HOOK2: variants seen among roughly 807,000 people sequenced by gnomAD.
HOOK2 encodes protein Hook homolog 2.
Under a neutral mutation model 111.9 loss-of-function variants are expected in HOOK2, and 108 were observed. The ratio of observed to expected loss-of-function variants is 0.96; its 90% confidence interval spans 0.83 to 1.13. The LOEUF is 1.13. Ranked by LOEUF, HOOK2 falls within the 50% of genes most tolerant of loss-of-function variation. HOOK2 has a pLI of 0.00. For missense variants in HOOK2, 978 were observed against 951.3 expected (o/e 1.03, Z -0.37); for synonymous variants, 405 against 394.3 (o/e 1.03, Z -0.32).
upstream of HOOK2, among the ~76,000 whole-genome samples, chr19:12,777,715 G>A (rs1481182128): frequency 6.6e-6 from 1 of 152,238 alleles, no homozygotes; most frequent in Non-Finnish European, 1.5e-5. Flanking sequence ...TTTGGCTGAA[G>A]CTGCCGCGTC....
rs16978669 is a variant in HOOK2 at position 12,790,654 on chromosome 19, T to A, written n.42-16429A>T. Among the ~76,000 whole-genome samples the A allele has an allele frequency of 5.3e-4, 81 of 151,992 alleles. No individual in the cohort carries two copies. The East Asian group carries it at 6.2e-3, about 12-fold the overall frequency. On this transcript the variant is annotated intron_variant and non_coding_transcript_variant, in intron 3 of 3. Transcript: ENST00000589765. This position sits in a 1 kb window ranked among gnomAD's most constrained non-coding sequence, Gnocchi z 7.2. ...GAAGATGTGTCCGGCCCCTTCTAAC[T>A]CTCTCCTTCATCCGGGCTAGCAGAT...
intron 1 of HOOK2, 128 bp from the exon 2 acceptor site, chr19:12,775,025 C>G (rs890960702): frequency 1.1e-5 from 12 of 1,117,038 alleles, no homozygotes; most frequent in Non-Finnish European, 1.5e-5. Context: ...CACAGCAGCT[C>G]TGCGAGGGAC....
In HOOK2 at chr19:12,767,908, A is replaced by G; in HGVS notation, c.1216-5T>C. ...GTCCCGCTCCGCCAACAGCCGCTGC[A>G]GGGACAGGGTACAAGACACTCCACG... On this transcript the variant is annotated splice_region_variant and splice_polypyrimidine_tract_variant and intron_variant, in intron 12 of 22. Transcript: ENST00000397668. 1 of 1,611,332 alleles carries G rather than the reference A, an allele frequency of 6.2e-7. No individual in the cohort carries two copies. Among genetic ancestry groups the G allele is most frequent in the East Asian group, 2.2e-5 (1 of 44,854 alleles).
At chr19:12,782,094 G>C (rs184516057), upstream of HOOK2, among the ~76,000 whole-genome samples, 1 of 152,148 alleles carries the variant, frequency 6.6e-6, no homozygotes, top group East Asian at 1.9e-4. Context: ...GGCCTCAAGC[G>C]ATCCTCTGGC....
chr19:12,776,224 C>CG (rs1239171278), upstream of HOOK2, among the ~76,000 whole-genome samples: 1 of 149,868 alleles, frequency 6.7e-6, no homozygotes, highest in African/African-American at 2.4e-5. Context: ...AGCCGTTGTG[C>CG]GGGGAGGGGC....
Position 12,771,490 on chromosome 19 carries a change from G to T in HOOK2, c.520-13C>A. 1.2e-6 allele frequency: 2 copies of T among 1,604,620 alleles called. No homozygotes were observed. The highest frequency in any genetic ancestry group is 8.5e-7 in the Non-Finnish European group (1 of 1,174,778). ...AGTACCTGCGGGACTGCAGAGATGA[G>T]GGGGAAGAGGAACTCAGGGATTCAG... On this transcript the variant is annotated splice_polypyrimidine_tract_variant and intron_variant, in intron 7 of 22. Coordinates refer to ENST00000397668, the MANE Select transcript of HOOK2 (RefSeq NM_013312.3).
intron 1 of HOOK2, 79 bp downstream of exon 1, chr19:12,775,326 G>C: frequency 6.4e-7 from 1 of 1,563,528 alleles, no homozygotes; most frequent in South Asian, 1.2e-5. Flanking sequence ...AGCACCAAGA[G>C]ACTGACCGAA....
rs1968636376 is a variant in HOOK2 at position 12,784,327 on chromosome 19, C to T, written n.42-10102G>A. Among the ~76,000 whole-genome samples, 2 of 151,970 alleles carry T rather than the reference C, an allele frequency of 1.3e-5. 1 individual carries two copies. Among genetic ancestry groups the T allele is most frequent in the South Asian group, 4.2e-4 (2 of 4,808 alleles). Reference sequence around the variant, plus strand: ...ACAGAGAGACTGCCAGCCAGGGACACACAGACAGGGTCAGACATACAGCTG... The same window carrying T: ...ACAGAGAGACTGCCAGCCAGGGACATACAGACAGGGTCAGACATACAGCTG... On this transcript the variant is annotated intron_variant and non_coding_transcript_variant, in intron 3 of 3. Transcript: ENST00000589765.
intron 3 of HOOK2, among the ~76,000 whole-genome samples, chr19:12,788,082 A>C (rs1184156849): frequency 6.6e-6 from 1 of 152,118 alleles, no homozygotes; most frequent in Admixed American, 6.6e-5. Flanking sequence ...ACAAACAAAC[A>C]AAACACCAAA....
intron 7 of HOOK2, among the ~76,000 whole-genome samples, 158 bp from the exon 8 acceptor site, chr19:12,771,635 C>T (rs1278947511): frequency 1.3e-5 from 2 of 152,144 alleles, no homozygotes; most frequent in Admixed American, 6.5e-5. Flanking sequence ...ATAATCCCAG[C>T]ACTTTGGGAG....
At chr19:12,765,750 G>A (rs750210412) in intron 17 of HOOK2, 26 bp from the exon 18 acceptor site, 2 of 1,614,090 alleles carry the variant, frequency 1.2e-6, no homozygotes, top group Middle Eastern at 1.6e-4. Context: ...GGCAAGGTGA[G>A]TGGGGGATCC....
In HOOK2 at chr19:12,772,639, G is replaced by A; in HGVS notation, c.430C>T (p.His144Tyr). 6.2e-7 allele frequency: 1 copy of A among 1,614,208 alleles called. No homozygotes were observed. The highest frequency in any genetic ancestry group is 8.5e-7 in the Non-Finnish European group (1 of 1,180,048). Residue 144 changes from histidine to tyrosine, a missense_variant, in exon 6 of 23, where the codon CAT (histidine) becomes TAT (tyrosine). Around this residue, in one of 5 missense-constraint regions of HOOK2, gnomAD observed 301 missense variants for 286.1 expected, o/e 1.05. Coordinates refer to ENST00000397668, the MANE Select transcript of HOOK2 (RefSeq NM_013312.3). Reference sequence around the variant, plus strand: ...TCTTGGATGGCTTCCATCACCACATGCTGAACCGATTCTTCCAGCGTCATG... The same window carrying A: ...TCTTGGATGGCTTCCATCACCACATACTGAACCGATTCTTCCAGCGTCATG... ...RIMTLEESVQ[H>Y]VVMEAIQELM...
chr19:12,781,396 A>G (rs1363539078), upstream of HOOK2, among the ~76,000 whole-genome samples: 3 of 148,596 alleles, frequency 2.0e-5, no homozygotes, highest in South Asian at 2.2e-4. Flanking sequence ...GCGCCATCTC[A>G]GCTCACTGCA....
At chr19:12,780,753 C>A (rs1156705914), upstream of HOOK2, among the ~76,000 whole-genome samples, 3 of 110,882 alleles carry the variant, frequency 2.7e-5, no homozygotes, top group Admixed American at 3.7e-4. Context: ...CCGAGGTGGG[C>A]GGATCAGGAG....
rs1196283762 is a variant in HOOK2, at chr19:12,771,051, A to C, written c.783T>G (p.Asp261Glu). ...ENFRLESGRE[D>E]ERLRCAELER... ...CCAGCTCGGCACAGCGCAGGCGCTC[A>C]TCCTCCCTGCCACTCTCCAGCCTGG... is the stretch of plus-strand genomic sequence containing the variant. Residue 261 changes from aspartate (D) to glutamate (E), a missense_variant, in exon 10 of 23, where the codon GAT becomes GAG. By Grantham distance (45) the Asp-to-Glu change is conservative. This residue lies in a region of HOOK2 where 388 missense variants were observed against 358.3 expected (regional missense o/e 1.08). Coordinates refer to ENST00000397668, the MANE Select transcript of HOOK2 (RefSeq NM_013312.3). 6.2e-7 allele frequency: 1 copy of C among 1,611,524 alleles called. No individual in the cohort carries two copies. Among genetic ancestry groups the C allele is most frequent in the Non-Finnish European group, 8.5e-7 (1 of 1,178,760 alleles).
Position 12,767,482 on chromosome 19 carries a change from A to G in HOOK2, c.1304-18T>C. 1.9e-6 allele frequency: 3 copies of G among 1,607,122 alleles called. No homozygotes were observed. The highest frequency in any genetic ancestry group is 1.7e-6 in the Non-Finnish European group (2 of 1,173,724). ...TGAGGGATCTGAAGAATGCGAGAAA[A>G]GTCTTCAGGTCTCTTCGCATCCCCT... On this transcript the variant is annotated intron_variant, in intron 13 of 22. Coordinates refer to ENST00000397668, the MANE Select transcript of HOOK2 (RefSeq NM_013312.3).
intron 1 of HOOK2, 102 bp from the exon 2 acceptor site, chr19:12,774,999 GC>G: frequency 8.1e-7 from 1 of 1,227,286 alleles, no homozygotes. Context: ...ACATGGTGGG[GC>G]GGGCGCTGCT....
At chr19:12,776,780 C>T (rs1968525569), upstream of HOOK2, among the ~76,000 whole-genome samples, 1 of 151,362 alleles carries the variant, frequency 6.6e-6, no homozygotes, top group African/African-American at 2.4e-5. Context: ...CCCAGGAGGT[C>T]GAGACTGCAG....
At chr19:12,767,783 C>G (rs1250243895) in intron 13 of HOOK2, 33 bp downstream of exon 13, 1 of 1,585,338 alleles carries the variant, frequency 6.3e-7, no homozygotes, top group South Asian at 1.1e-5. Context: ...TACACCAGGA[C>G]AGGTAAGACC....
Sources: allele counts gnomAD v4.1 joint callset (sites outside exome capture counted in the v4.1 genomes callset), GRCh38; gene constraint gnomAD v4.1.1; regional missense constraint gnomAD v4.1.1; non-coding constraint Gnocchi (gnomAD v3.1); transcripts MANE v1.5; gene names NCBI Gene and HGNC (gene_info 2026-07-23, HGNC 2026-07-21).